Variants in CELF5 observed in about 807,000 individuals in gnomAD.
CELF5 encodes CUG-BP and ETR-3 like factor 5.
In CELF5, 6 loss-of-function variants were observed where a neutral mutation model predicts 54.9. The observed-to-expected ratio is 0.11, with a 90% CI of 0.06 to 0.22. The LOEUF (loss-of-function observed/expected upper bound fraction) is 0.22, where lower values mean the gene tolerates loss of function less well. Ranked by LOEUF, CELF5 falls within the 10% of genes least tolerant of loss-of-function variation. CELF5 has a pLI of 1.00. For synonymous variants in CELF5, 271 were observed against 290.9 expected (o/e 0.93, Z 0.70); for missense variants, 401 against 678.6 (o/e 0.59, Z 4.54).
chr19:3,284,045 C>G (rs758893183), intron 8 of CELF5, among the ~76,000 whole-genome samples: 9 of 151,758 alleles, frequency 5.9e-5, no homozygotes, highest in Non-Finnish European at 1.0e-4. Context: ...GAGGGTCTTG[C>G]TATGTTGCCC....
At chr19:3,256,274 C>T (rs2079724560) in intron 2 of CELF5, among the ~76,000 whole-genome samples, 2 of 152,068 alleles carry the variant, frequency 1.3e-5, no homozygotes, top group African/African-American at 4.8e-5. Flanking sequence ...AGCTGGCCGT[C>T]TCCTCCTTCT....
chr19:3,256,975 T>G (rs906958230), intron 2 of CELF5, among the ~76,000 whole-genome samples: 3 of 152,036 alleles, frequency 2.0e-5, no homozygotes, highest in African/African-American at 7.2e-5. Flanking sequence ...GTCCCACTAA[T>G]TTTTAAACTT....
intron 2 of CELF5, among the ~76,000 whole-genome samples, chr19:3,257,484 AT>A (rs1568342932): frequency 1.4e-5 from 2 of 146,622 alleles, no homozygotes. Flanking sequence ...TATTATTATT[AT>A]TTTTTTTGAG....
In CELF5 at chr19:3,290,394, A is replaced by G; in HGVS notation, c.1330+20A>G. 1 of 1,608,490 alleles carries G rather than the reference A, an allele frequency of 6.2e-7. No homozygotes were observed. Among genetic ancestry groups the G allele is most frequent in the Non-Finnish European group, 8.5e-7 (1 of 1,176,600 alleles). ...GTTTCGGTGAGTGGCCGCCGACGCC[A>G]CCCCTCCCCATCCACCTCCCTCGCC... On this transcript the variant is annotated intron_variant, in intron 11 of 12. Transcript: ENST00000292672.
At chr19:3,284,038 G>A in intron 8 of CELF5, among the ~76,000 whole-genome samples, 1 of 151,700 alleles carries the variant, frequency 6.6e-6, no homozygotes, top group East Asian at 1.9e-4. Context: ...AAGAAATGAG[G>A]GTCTTGCTAT....
chr19:3,236,632 G>A (rs977211185), intron 1 of CELF5, among the ~76,000 whole-genome samples: 13 of 152,130 alleles, frequency 8.5e-5, no homozygotes, highest in Non-Finnish European at 1.6e-4. Context: ...TCGGTGCATC[G>A]TAGGTGCTCA....
At chr19:3,225,174 G>T (rs1386886305) in intron 1 of CELF5, among the ~76,000 whole-genome samples, 176 bp downstream of exon 1, 1 of 53,050 alleles carries the variant, frequency 1.9e-5, no homozygotes, top group Non-Finnish European at 3.5e-5. Context: ...CCCTCTCTGG[G>T]GGTGCAGCTG....
intron 1 of CELF5, among the ~76,000 whole-genome samples, chr19:3,229,625 C>T (rs375302313): frequency 1.8e-4 from 27 of 152,250 alleles, no homozygotes; most frequent in African/African-American, 5.1e-4. Flanking sequence ...TGGGTCTTCC[C>T]GTTTCAGAGG....
chr19:3,263,773 T>C (rs1048251153), intron 2 of CELF5, among the ~76,000 whole-genome samples: 4 of 150,718 alleles, frequency 2.7e-5, no homozygotes, highest in South Asian at 2.1e-4. Flanking sequence ...GGCGTGGTGG[T>C]GGGCACCTGT....
intron 10 of CELF5, among the ~76,000 whole-genome samples, chr19:3,289,661 GAC>G (rs2080309781): frequency 9.3e-6 from 1 of 107,618 alleles, no homozygotes; most frequent in African/African-American, 3.8e-5. Flanking sequence ...CAGCCTGGGC[GAC>G]AGAGCGAGAC....
At chr19:3,245,941 T>C (rs573803488) in intron 1 of CELF5, among the ~76,000 whole-genome samples, 2 of 152,210 alleles carry the variant, frequency 1.3e-5, no homozygotes, top group Non-Finnish European at 2.9e-5. Context: ...TTAGTGAAGA[T>C]GAAGCACTAA....
chr19:3,273,737 G>A, intron 2 of CELF5, 135 bp from the exon 3 acceptor site: 2 of 663,552 alleles, frequency 3.0e-6, no homozygotes, highest in Non-Finnish European at 2.7e-6. Context: ...TGACTGGGGT[G>A]TTAGTTGGGT....
At position 3,284,917 on chromosome 19, in the gene CELF5, T is replaced by C. The variant is rs1385725952; in HGVS notation, c.1055T>C (p.Val352Ala). 6.2e-7 allele frequency: 1 copy of C among 1,613,020 alleles called. No individual in the cohort carries two copies. Among genetic ancestry groups the C allele is most frequent in the South Asian group, 1.1e-5 (1 of 90,964 alleles). ...LVPYPAQSPT[V>A]AETLHPAFSG... ...CTGCCCGCAGCTCAGAGCCCGACTGTGGCCGAGACACTGCATCCTGCCTTC... is the reference window on the plus strand; with the variant it reads ...CTGCCCGCAGCTCAGAGCCCGACTGCGGCCGAGACACTGCATCCTGCCTTC... The change falls in exon 9 of 13, where the codon GTG (valine) becomes GCG (alanine). Residue 352 changes from valine to alanine, a missense_variant. By Grantham distance (64) the Val-to-Ala change is moderately conservative. This residue lies in a region of CELF5 where 143 missense variants were observed against 147.6 expected (regional missense o/e 0.97). Coordinates refer to ENST00000292672, the MANE Select transcript of CELF5 (RefSeq NM_021938.4).
chr19:3,235,789 A>AATGGATGGATGG (rs1278030051), intron 1 of CELF5, among the ~76,000 whole-genome samples: 1 of 50,684 alleles, frequency 2.0e-5, no homozygotes, highest in Non-Finnish European at 4.0e-5. Context: ...TGGATGGATG[A>AATGGATGGATGG]ATGGATGGAT....
In CELF5 at chr19:3,282,379, C is replaced by T; in HGVS notation, c.920C>T (p.Thr307Ile). Residue 307 changes from threonine to isoleucine, a missense_variant, in exon 8 of 13, where the codon ACC (threonine) becomes ATC (isoleucine). Thr to Ile is a moderately conservative substitution (Grantham distance 89). Transcript: ENST00000292672. This position sits in a 1 kb window ranked among gnomAD's most constrained non-coding sequence, Gnocchi z 5.2. ...SGLHSPPLLG[T>I]TAVPGLVAPI... ...CTGCACTCACCCCCGCTGCTGGGCA[C>T]CACCGCTGTGCCTGGCCTCGTGGCT... 4 of 1,610,898 alleles carry T rather than the reference C, an allele frequency of 2.5e-6. No individual in the cohort carries two copies. Among genetic ancestry groups the T allele is most frequent in the Non-Finnish European group, 3.4e-6 (4 of 1,180,010 alleles).
At position 3,227,984 on chromosome 19, in the gene CELF5, C is replaced by T. The variant is rs548654282; in HGVS notation, c.259+2986C>T. Among the ~76,000 whole-genome samples the T allele has an allele frequency of 3.9e-4, 60 of 152,102 alleles. No homozygotes were observed. The South Asian group carries it at 4.6e-3, about 12-fold the overall frequency. The stretch of plus-strand genomic sequence containing the variant: ...TGGGGGCAGCCAGATTCCTAGAGGC[C>T]GTGCTGAGACTCAGAGAAAGGCAGG... On this transcript the variant is annotated intron_variant, in intron 1 of 12. Coordinates refer to ENST00000292672, the MANE Select transcript of CELF5 (RefSeq NM_021938.4).
chr19:3,286,000 C>T lies in CELF5; in HGVS notation c.1161C>T (p.Pro387=), dbSNP rs1391079293. ...PIAHSVPQPP[P]LLQQQQREGP... is the part of the protein sequence containing the mutation. ...CGCACAGCGTCCCCCAGCCGCCGCC[C>T]CTCCTGCAGCAGCAGCAGCGAGAAG... Residue 387 remains proline (P), a synonymous_variant, in exon 10 of 13, where the codon CCC becomes CCT. Transcript: ENST00000292672. The T allele has an allele frequency of 6.3e-7, 1 of 1,584,760 alleles. No individual in the cohort carries two copies. Among genetic ancestry groups the T allele is most frequent in the Non-Finnish European group, 8.5e-7 (1 of 1,172,962 alleles).
Position 3,278,942 on chromosome 19 carries a change from C to T in CELF5, c.603+832C>T, listed in dbSNP as rs903504021. Among the ~76,000 whole-genome samples the T allele has an allele frequency of 5.3e-5, 8 of 152,044 alleles. No individual in the cohort carries two copies. The highest frequency in any genetic ancestry group is 2.1e-4 in the South Asian group (1 of 4,826). On this transcript the variant is annotated intron_variant, in intron 5 of 12. Coordinates refer to ENST00000292672, the MANE Select transcript of CELF5 (RefSeq NM_021938.4). This position sits in a 1 kb window ranked among gnomAD's most constrained non-coding sequence, Gnocchi z 4.5. Reference sequence around the variant, plus strand: ...CCAGAGGAGCCATAGAAGATGGGGCCGCAATGCGAGGCTGAGAAGCCTGGA... The same window carrying T: ...CCAGAGGAGCCATAGAAGATGGGGCTGCAATGCGAGGCTGAGAAGCCTGGA...
At chr19:3,296,434 G>GAAAAAAAAAAAAAAAAAAAAAAAAAAA (rs5826810) in intron 12 of CELF5, 8 of 54,862 alleles carry the variant, frequency 1.5e-4, no homozygotes, top group African/African-American at 2.1e-4. Context: ...AAACCACACA[G>GAAAAAAAAAAAAAAAAAAAAAAAAAAA]AAAAAAAAAA....
Sources: gnomAD v4.1 joint callset for allele counts (sites outside exome capture counted in the v4.1 genomes callset) on GRCh38, gnomAD v4.1.1 for gene constraint, gnomAD v4.1.1 regional missense constraint, Gnocchi (gnomAD v3.1) non-coding constraint, MANE v1.5 for transcripts, NCBI Gene and HGNC (gene_info 2026-07-23, HGNC 2026-07-21) for gene names.